The following SPIDR variants were observed in gnomAD, a reference collection of about 807,000 sequenced individuals.
SPIDR encodes the protein DNA repair-scaffolding protein.
Under a neutral mutation model 104.6 loss-of-function variants are expected in SPIDR, and 93 were observed. The ratio of observed to expected loss-of-function variants is 0.89; its 90% CI spans 0.75 to 1.06. The LOEUF (loss-of-function observed/expected upper bound fraction) is 1.06, where lower values mean the gene tolerates loss of function less well. Among genes scored for constraint, SPIDR ranks in the 50% least tolerant of loss-of-function variants. The pLI, the probability that SPIDR is intolerant of heterozygous loss-of-function variation, is 0.00. For missense variants in SPIDR, 1,154 were observed against 1,111.2 expected (o/e 1.04, Z -0.55); for synonymous variants, 431 against 416.9 (o/e 1.03, Z -0.41).
At chr8:47,359,138 C>T (rs1308485282) in intron 5 of SPIDR, among the ~76,000 whole-genome samples, 13 of 150,166 alleles carry the variant, frequency 8.7e-5, no homozygotes, top group Admixed American at 2.0e-4. Flanking sequence ...CCCAGCTACT[C>T]GGGAGGCTGA....
chr8:47,723,529 A>G (rs1182016968), intron 16 of SPIDR, among the ~76,000 whole-genome samples: 1 of 147,214 alleles, frequency 6.8e-6, no homozygotes, highest in Non-Finnish European at 1.5e-5. Context: ...TCCCGGGTTC[A>G]TGCCATTCTT....
intron 7 of SPIDR, among the ~76,000 whole-genome samples, chr8:47,424,445 C>T (rs1035070805): frequency 4.6e-5 from 7 of 152,140 alleles, no homozygotes; most frequent in African/African-American, 1.7e-4. Context: ...GCTGGGACTA[C>T]AGTCACATGC....
intron 10 of SPIDR, among the ~76,000 whole-genome samples, chr8:47,609,260 CA>C (rs1391380886): frequency 1.3e-4 from 20 of 152,082 alleles, no homozygotes; most frequent in African/African-American, 4.8e-4. Flanking sequence ...TCCAATTTGT[CA>C]TTTTTGTTAT....
At chr8:47,726,434 C>T (rs1030044162) in intron 16 of SPIDR, among the ~76,000 whole-genome samples, 2 of 152,204 alleles carry the variant, frequency 1.3e-5, no homozygotes, top group Admixed American at 6.5e-5. Flanking sequence ...CTAATTTCAC[C>T]GCTTTTCAAC....
chr8:47,270,823 G>A (rs2035157456), intron 1 of SPIDR, among the ~76,000 whole-genome samples: 3 of 151,758 alleles, frequency 2.0e-5, no homozygotes, highest in East Asian at 1.9e-4. Flanking sequence ...TGATCTATTG[G>A]CTGTTTAGGA....
chr8:47,331,385 G>T (rs1554604339), intron 5 of SPIDR, among the ~76,000 whole-genome samples: 1 of 152,148 alleles, frequency 6.6e-6, no homozygotes, highest in Non-Finnish European at 1.5e-5. Context: ...ACACTATATG[G>T]TTAAGCCTAT....
intron 11 of SPIDR, among the ~76,000 whole-genome samples, chr8:47,677,627 T>C (rs1484568121): frequency 6.6e-6 from 1 of 152,230 alleles, no homozygotes; most frequent in African/African-American, 2.4e-5. Flanking sequence ...TGTCTGAGTG[T>C]TGAGAATGAC....
chr8:47,445,231 T>C (rs1307704320), intron 8 of SPIDR, among the ~76,000 whole-genome samples: 2 of 152,244 alleles, frequency 1.3e-5, no homozygotes, highest in Non-Finnish European at 2.9e-5. Flanking sequence ...CAGCATGTGC[T>C]CACCTGTCTC....
chr8:47,481,979 T>A (rs2076948052), intron 8 of SPIDR, among the ~76,000 whole-genome samples: 1 of 152,220 alleles, frequency 6.6e-6, no homozygotes, highest in Non-Finnish European at 1.5e-5. Context: ...ATTGTTCTAT[T>A]TGGAGTAAAT....
chr8:47,307,232 CTT>C (rs781836480), intron 5 of SPIDR, among the ~76,000 whole-genome samples: 6 of 139,248 alleles, frequency 4.3e-5, no homozygotes, highest in Non-Finnish European at 1.6e-5. Context: ...TTTCTTTCTT[CTT>C]TTTTTTTTTT....
At chr8:47,366,497 T>C (rs1554634626) in intron 5 of SPIDR, among the ~76,000 whole-genome samples, 2 of 152,184 alleles carry the variant, frequency 1.3e-5, no homozygotes, top group African/African-American at 4.8e-5. Flanking sequence ...GACCAGTGTT[T>C]CTAATGATTC....
chr8:47,520,370 G>C (rs1027549304), intron 8 of SPIDR, among the ~76,000 whole-genome samples: 3 of 151,276 alleles, frequency 2.0e-5, no homozygotes, highest in African/African-American at 7.3e-5. Flanking sequence ...TATGTTGAGT[G>C]TCTGATATGA....
At chr8:47,725,611 C>T (rs191575728) in intron 16 of SPIDR, among the ~76,000 whole-genome samples, 5 of 152,242 alleles carry the variant, frequency 3.3e-5, no homozygotes, top group African/African-American at 7.2e-5. Flanking sequence ...AGGATGGTCT[C>T]GATCTCTTGA....
chr8:47,277,365 GTTATGTTATGTTATT>G (rs2036716335), intron 1 of SPIDR, among the ~76,000 whole-genome samples: 1 of 115,064 alleles, frequency 8.7e-6, no homozygotes, highest in African/African-American at 3.1e-5. Flanking sequence ...GTTATGTTAT[GTTATGTTATGTTATT>G]TTAGAGACAG....
At chr8:47,419,587 T>C (rs1195852917) in intron 7 of SPIDR, among the ~76,000 whole-genome samples, 1 of 152,150 alleles carries the variant, frequency 6.6e-6, no homozygotes, top group Non-Finnish European at 1.5e-5. Flanking sequence ...ATTCATTGAT[T>C]TTTTTGAAGG....
chr8:47,636,838 G>T (rs2068006449), intron 10 of SPIDR, among the ~76,000 whole-genome samples: 1 of 151,024 alleles, frequency 6.6e-6, no homozygotes, highest in Non-Finnish European at 1.5e-5. Flanking sequence ...AAAAGAGATT[G>T]TCTAAAATTG....
At chr8:47,504,215 T>C (rs527566031) in intron 8 of SPIDR, among the ~76,000 whole-genome samples, 1 of 152,324 alleles carries the variant, frequency 6.6e-6, no homozygotes, top group Admixed American at 6.5e-5. Flanking sequence ...TCCTGGATAA[T>C]ATCCTGCAGA....
chr8:47,297,031 C>T (rs990148098), intron 5 of SPIDR, among the ~76,000 whole-genome samples: 2 of 152,134 alleles, frequency 1.3e-5, no homozygotes, highest in Non-Finnish European at 2.9e-5. Flanking sequence ...TTTTCAGGTA[C>T]TTCATTCTTA....
rs145691884 is a variant in SPIDR at position 47,430,914 on chromosome 8, A to C, written c.878-9409A>C. ...TTAAATGAAGAAGTTTTCAAGAAAG[A>C]AGAACTCGTATTCTCGATACTCAGA... On this transcript the variant is annotated intron_variant, in intron 7 of 19. Transcript: ENST00000297423. Among the ~76,000 whole-genome samples, 336 of 152,338 alleles carry C rather than the reference A, an allele frequency of 2.2e-3. 3 individuals are homozygous for C. The highest frequency in any genetic ancestry group is 5.0e-4 in the Non-Finnish European group (34 of 68,030).
Sources: allele counts gnomAD v4.1 joint callset (sites outside exome capture counted in the v4.1 genomes callset), GRCh38; gene constraint gnomAD v4.1.1; transcripts MANE v1.5; gene names NCBI Gene and HGNC (gene_info 2026-07-23, HGNC 2026-07-21).